MAP2: variants seen among roughly 807,000 people sequenced by gnomAD.
The protein encoded by MAP2 is microtubule-associated protein 2.
A neutral mutation model predicts 137.6 loss-of-function variants in MAP2; 14 were observed. The ratio of observed to expected loss-of-function variants is 0.10; its 90% CI spans 0.07 to 0.16. MAP2 has a LOEUF of 0.16. MAP2 is among the 10% of genes least tolerant of loss of function. The pLI is 1.00. For missense variants in MAP2, 2,088 were observed against 2,191.5 expected (o/e 0.95, Z 0.94); for synonymous variants, 786 against 782.3 (o/e 1.00, Z -0.08).
At chr2:209,465,022 C>T (rs1703786686) in intron 1 of MAP2, among the ~76,000 whole-genome samples, 1 of 152,068 alleles carries the variant, frequency 6.6e-6, no homozygotes, top group African/African-American at 2.4e-5. Context: ...ATGCTGCACG[C>T]ATCATATCAC....
At chr2:209,691,337 G>A (rs778685162) in intron 7 of MAP2, among the ~76,000 whole-genome samples, 1 of 152,110 alleles carries the variant, frequency 6.6e-6, no homozygotes, top group African/African-American at 2.4e-5. Context: ...ATGAATACTG[G>A]TTTGATTTTC....
chr2:209,567,494 G>C (rs185450977), intron 2 of MAP2, among the ~76,000 whole-genome samples: 377 of 152,130 alleles, frequency 2.5e-3, no homozygotes, highest in Non-Finnish European at 3.7e-3. Flanking sequence ...GGTCCTGGGG[G>C]TGTGGAAATT....
chr2:209,507,663 A>C (rs2061237141), intron 2 of MAP2, 22 bp downstream of exon 2: 1 of 152,154 alleles, frequency 6.6e-6, no homozygotes, highest in Non-Finnish European at 1.5e-5. Context: ...ATTTGTGTCA[A>C]TCATGAATAA....
At chr2:209,521,726 A>G (rs2063316064) in intron 2 of MAP2, among the ~76,000 whole-genome samples, 1 of 152,094 alleles carries the variant, frequency 6.6e-6, no homozygotes, top group Admixed American at 6.6e-5. Flanking sequence ...GAGCTGATAT[A>G]CCAGGAGATT....
rs542823513 is a variant in MAP2, at chr2:209,465,020, C to T, written c.-222+40744C>T. ...CATAAGCTTTCTTCTCAATGCTGCACGCATCATATCACAGGAATAGACTAT... is the reference window on the plus strand; with the variant it reads ...CATAAGCTTTCTTCTCAATGCTGCATGCATCATATCACAGGAATAGACTAT... On this transcript the variant is annotated intron_variant, in intron 1 of 15. Coordinates refer to ENST00000682079, the MANE Select transcript of MAP2 (RefSeq NM_001375505.1). 6.2e-4 allele frequency among the ~76,000 whole-genome samples: 94 copies of T among 152,146 alleles called. 1 individual carries two copies. Among genetic ancestry groups the T allele is most frequent in the African/African-American group, 2.1e-3 (87 of 41,534 alleles).
intron 10 of MAP2, among the ~76,000 whole-genome samples, chr2:209,699,199 AC>A (rs1403887471): frequency 4.6e-5 from 7 of 152,166 alleles, no homozygotes; most frequent in African/African-American, 1.7e-4. Context: ...TTCCTTAAAA[AC>A]AATGAGTCCT....
intron 3 of MAP2, among the ~76,000 whole-genome samples, chr2:209,588,419 T>C (rs1469308040): frequency 6.6e-6 from 1 of 152,204 alleles, no homozygotes; most frequent in Admixed American, 6.6e-5. Context: ...ATGACTACAT[T>C]ATGACCATTT....
At chr2:209,631,926 G>T (rs183819427) in intron 4 of MAP2, among the ~76,000 whole-genome samples, 3 of 152,258 alleles carry the variant, frequency 2.0e-5, no homozygotes, top group Non-Finnish European at 2.9e-5. Flanking sequence ...GTCAAAAGGG[G>T]TAAATTGAAA....
chr2:209,631,003 A>G (rs2092953389), intron 4 of MAP2, among the ~76,000 whole-genome samples: 1 of 99,842 alleles, frequency 1.0e-5, no homozygotes, highest in African/African-American at 5.2e-5. Flanking sequence ...GGGAGCTACA[A>G]GCAAAAAAAA....
rs948320151 is a variant in MAP2, at chr2:209,696,851, G to A, written c.4388-66G>A. ...GGTAACTAATTATTTATAAAATTTC[G>A]TTCGGTTTTGCTCCACGTGTTTATT... On this transcript the variant is annotated intron_variant, in intron 9 of 15. Coordinates refer to ENST00000682079, the MANE Select transcript of MAP2 (RefSeq NM_001375505.1). 1.2e-4 allele frequency: 180 copies of A among 1,551,132 alleles called. No individual in the cohort carries two copies. The Admixed American group carries it at 1.5e-3, about 13-fold the overall frequency.
At chr2:209,496,553 G>A (rs975459183) in intron 1 of MAP2, among the ~76,000 whole-genome samples, 7 of 151,926 alleles carry the variant, frequency 4.6e-5, no homozygotes, top group African/African-American at 7.3e-5. Flanking sequence ...TGCATATCAC[G>A]TAAAATCATA....
chr2:209,432,116 C>G (rs1694453582), intron 1 of MAP2, among the ~76,000 whole-genome samples: 1 of 152,140 alleles, frequency 6.6e-6, no homozygotes, highest in South Asian at 2.1e-4. Flanking sequence ...GGGAATCCAA[C>G]AAAAATAGGC....
In MAP2 at chr2:209,528,886, GTATATACATATA is replaced by G. The variant is rs1414046663; in HGVS notation, c.-172+21250_-172+21261del. 3.6e-5 allele frequency among the ~76,000 whole-genome samples: 5 copies of G among 138,850 alleles called. No individual in the cohort carries two copies. The East Asian group carries it at 1.1e-3, about 29-fold the overall frequency. The allele number at this position is 138,850 out of a possible 152,430, so 91.1% of individuals were successfully genotyped here. ...TGTGTGTGTATATGTATATATGTGT[GTATATACATATA>G]TATACACACATATATACACACATAC... On this transcript the variant is annotated intron_variant, in intron 2 of 15. Coordinates refer to ENST00000682079, the MANE Select transcript of MAP2 (RefSeq NM_001375505.1).
chr2:209,660,996 G>A (rs1452002009), intron 5 of MAP2, among the ~76,000 whole-genome samples: 3 of 141,522 alleles, frequency 2.1e-5, no homozygotes, highest in Admixed American at 7.0e-5. Flanking sequence ...CGCCCGCCTC[G>A]GCATCCCAAA....
chr2:209,693,575 G>A lies in MAP2; in HGVS notation c.1405G>A (p.Glu469Lys), dbSNP rs141459532. 1,997 of 1,612,946 alleles carry A rather than the reference G, an allele frequency of 1.2e-3. 3 individuals are homozygous for A. Among genetic ancestry groups the A allele is most frequent in the Non-Finnish European group, 1.3e-3 (1,556 of 1,179,836 alleles). Residue 469 changes from glutamate to lysine, a missense_variant, in exon 8 of 16, where the codon GAA becomes AAA. Around this residue, in one of 6 missense-constraint regions of MAP2, gnomAD observed 859 missense variants for 794.5 expected, o/e 1.08. Coordinates refer to ENST00000682079, the MANE Select transcript of MAP2 (RefSeq NM_001375505.1). ...ESKPPKPADE[E>K]IGIIQTSTEH... The stretch of plus-strand genomic sequence containing the variant: ...TAAACCCCCAAAACCTGCAGATGAA[G>A]AAATAGGCATAATTCAGACCTCCAC...
At chr2:209,717,510 A>G (rs1357023040) in intron 13 of MAP2, among the ~76,000 whole-genome samples, 5 of 152,184 alleles carry the variant, frequency 3.3e-5, no homozygotes, top group Non-Finnish European at 5.9e-5. Context: ...CTAATTACAT[A>G]GTTTACCTTC....
chr2:209,706,533 T>C (rs912452812), intron 12 of MAP2, among the ~76,000 whole-genome samples: 8 of 150,992 alleles, frequency 5.3e-5, no homozygotes, highest in African/African-American at 1.7e-4. Context: ...GGGTAACTTG[T>C]CCAGTTACCC....
At chr2:209,543,223 G>C (rs1008252149) in intron 2 of MAP2, among the ~76,000 whole-genome samples, 1 of 152,196 alleles carries the variant, frequency 6.6e-6, no homozygotes, top group East Asian at 1.9e-4. Flanking sequence ...CAGTGGAGCA[G>C]TCAGAACATG....
At chr2:209,454,294 A>G (rs1199263129) in intron 1 of MAP2, among the ~76,000 whole-genome samples, 2 of 152,088 alleles carry the variant, frequency 1.3e-5, no homozygotes, top group Non-Finnish European at 2.9e-5. Context: ...TTGTTCAACC[A>G]CAGCTAATAT....
Sources: allele counts gnomAD v4.1 joint callset (sites outside exome capture counted in the v4.1 genomes callset), GRCh38; gene constraint gnomAD v4.1.1; regional missense constraint gnomAD v4.1.1; transcripts MANE v1.5; gene names NCBI Gene and HGNC (gene_info 2026-07-23, HGNC 2026-07-21).